Variants in PCDHGA12 observed in about 807,000 individuals in gnomAD.
PCDHGA12 encodes protocadherin gamma subfamily A, 12.
In PCDHGA12, 43 loss-of-function variants were observed where a neutral mutation model predicts 61.1. That is an observed-to-expected ratio of 0.70 (90% confidence interval 0.55 to 0.91). PCDHGA12 has a LOEUF of 0.91. Among genes scored for constraint, PCDHGA12 ranks in the 40% least tolerant of loss-of-function variants. The probability of loss-of-function intolerance (pLI) is 0.00; values close to 1 mark genes in which losing one functional copy is unlikely to be tolerated. For missense variants in PCDHGA12, 1,236 were observed against 1,227.7 expected (o/e 1.01, Z -0.10); for synonymous variants, 520 against 542.9 (o/e 0.96, Z 0.59).
intron 1 of PCDHGA12, among the ~76,000 whole-genome samples, chr5:141,438,036 C>T (rs1299733977): frequency 4.6e-5 from 7 of 152,026 alleles, no homozygotes; most frequent in South Asian, 2.1e-4. Flanking sequence ...CCACCATGCC[C>T]GACCACTTTG....
At chr5:141,498,318 G>T (rs927950671) in intron 2 of PCDHGA12, among the ~76,000 whole-genome samples, 2 of 151,792 alleles carry the variant, frequency 1.3e-5, no homozygotes, top group African/African-American at 4.8e-5. Flanking sequence ...TGCCTACACA[G>T]AAGGAAGAGC....
At chr5:141,506,699 C>T (rs758682427) in intron 3 of PCDHGA12, among the ~76,000 whole-genome samples, 2 of 152,094 alleles carry the variant, frequency 1.3e-5, no homozygotes, top group Non-Finnish European at 2.9e-5. Flanking sequence ...GACCCAAACC[C>T]GTTTTTTACT....
At position 141,494,788 on chromosome 5, in the gene PCDHGA12, C is replaced by T. The variant is rs2099756942; in HGVS notation, c.2425-19C>T. The T allele has an allele frequency of 6.2e-7, 1 of 1,614,116 alleles. No homozygotes were observed. The highest frequency in any genetic ancestry group is 8.5e-7 in the Non-Finnish European group (1 of 1,180,000). On this transcript the variant is annotated intron_variant, in intron 1 of 3. Transcript: ENST00000252085. ...CTTCTCACGGGTACTCAGCCCCTTTCCCTCTGTTTTCTCCACAGCAAGCCC... is the reference window on the plus strand; with the variant it reads ...CTTCTCACGGGTACTCAGCCCCTTTTCCTCTGTTTTCTCCACAGCAAGCCC...
In PCDHGA12 at chr5:141,477,794, C is replaced by A. The variant is rs148942362; in HGVS notation, c.2425-17013C>A. On this transcript the variant is annotated intron_variant, in intron 1 of 3. Coordinates refer to ENST00000252085, the MANE Select transcript of PCDHGA12 (RefSeq NM_003735.3). This position sits in a 1 kb window ranked among gnomAD's most constrained non-coding sequence, Gnocchi z 4.9. ...CAGCGTGAACATATTTGTCACTGAT[C>A]GCAATGACAATGCCCCCCAGGTCCT... The A allele has an allele frequency of 5.6e-6, 9 of 1,614,086 alleles. No individual in the cohort carries two copies. Among genetic ancestry groups the A allele is most frequent in the Non-Finnish European group, 7.6e-6 (9 of 1,180,030 alleles).
rs139608956 is a variant in PCDHGA12, at chr5:141,510,637, A to G, written c.2573-310A>G. Among the ~76,000 whole-genome samples, 4 of 152,242 alleles carry G rather than the reference A, an allele frequency of 2.6e-5. No individual in the cohort carries two copies. The East Asian group carries it at 7.7e-4, about 29-fold the overall frequency. ...ACTAAAACCAGAAGAGGTGGTTACC[A>G]TTATCATCCCCATTTTGCAGATGAG... On this transcript the variant is annotated intron_variant, in intron 3 of 3. Transcript: ENST00000252085.
chr5:141,481,257 A>T (rs2099534664), intron 1 of PCDHGA12, among the ~76,000 whole-genome samples: 1 of 152,172 alleles, frequency 6.6e-6, no homozygotes, highest in African/African-American at 2.4e-5. Context: ...GCTCTAAAAG[A>T]TCACTGTAGG....
Position 141,485,172 on chromosome 5 carries a change from C to A in PCDHGA12, c.2425-9635C>A. ...CAAGTAGAGAATTAGCGGGCGGCAG[C>A]AATGCTCCGCAAGGTGAGAAGCTGG... On this transcript the variant is annotated intron_variant, in intron 1 of 3. Transcript: ENST00000252085. The surrounding 1 kb of genome is among the most constrained non-coding windows in gnomAD (Gnocchi z 5.7). 6.2e-7 allele frequency: 1 copy of A among 1,610,164 alleles called. No individual in the cohort carries two copies. The highest frequency in any genetic ancestry group is 8.5e-7 in the Non-Finnish European group (1 of 1,176,940).
intron 1 of PCDHGA12, chr5:141,478,686 GA>G (rs2099472024): frequency 6.4e-7 from 1 of 1,551,134 alleles, no homozygotes; most frequent in South Asian, 1.2e-5. Context: ...GCCCTTCCTA[GA>G]TCAAAGTTAG....
At chr5:141,450,006 C>CTATTTTTTTTT (rs70988802) in intron 1 of PCDHGA12, among the ~76,000 whole-genome samples, 2 of 132,964 alleles carry the variant, frequency 1.5e-5, no homozygotes, top group African/African-American at 2.8e-5. Flanking sequence ...TGCCATGTCT[C>CTATTTTTTTTT]TTTTTTTTTT....
chr5:141,464,138 G>A (rs62379197), intron 1 of PCDHGA12, among the ~76,000 whole-genome samples: 42,814 of 151,688 alleles, frequency 0.28, 6,814 homozygotes, highest in African/African-American at 0.44. Context: ...GGTGGTGGGC[G>A]CCTGTAGTCC....
Position 141,510,968 on chromosome 5 carries a change from C to A in PCDHGA12, c.2594C>A (p.Thr865Asn). 1 of 1,614,150 alleles carries A rather than the reference C, an allele frequency of 6.2e-7. No individual in the cohort carries two copies. The highest frequency in any genetic ancestry group is 8.5e-7 in the Non-Finnish European group (1 of 1,180,014). The change falls in exon 4 of 4, where the codon ACC becomes AAC. Residue 865 changes from threonine (T) to asparagine (N), a missense_variant. Transcript: ENST00000252085. ...SASEAADGSS[T>N]LGGGAGTMGL... ...GCAGAAGCTGCTGATGGGAGCTCCA[C>A]CCTGGGAGGGGGTGCCGGCACCATG...
At chr5:141,463,417 G>A (rs548514637) in intron 1 of PCDHGA12, among the ~76,000 whole-genome samples, 1 of 146,650 alleles carries the variant, frequency 6.8e-6, no homozygotes, top group South Asian at 2.2e-4. Context: ...ATCCTAGTTT[G>A]CGGATCCTCA....
At chr5:141,473,884 G>T (rs1162382168) in intron 1 of PCDHGA12, among the ~76,000 whole-genome samples, 1 of 152,162 alleles carries the variant, frequency 6.6e-6, no homozygotes, top group African/African-American at 2.4e-5. Context: ...ATACACAAGG[G>T]TTCTGTTGGT....
At chr5:141,467,627 G>A (rs2099147481) in intron 1 of PCDHGA12, among the ~76,000 whole-genome samples, 1 of 152,140 alleles carries the variant, frequency 6.6e-6, no homozygotes, top group South Asian at 2.1e-4. Context: ...ATTTGAGATA[G>A]CATCTTTATC....
In PCDHGA12 at chr5:141,510,353, C is replaced by G. The variant is rs74759939; in HGVS notation, c.2573-594C>G. On this transcript the variant is annotated intron_variant, in intron 3 of 3. Transcript: ENST00000252085. ...CACCCCCACCCCACACACTTACTAA[C>G]GGAACTACCGAATCTCTACTCGTGC... is the stretch of plus-strand genomic sequence containing the variant. Among the ~76,000 whole-genome samples the G allele has an allele frequency of 1.9e-4, 28 of 146,588 alleles. No homozygotes were observed. The East Asian group carries it at 5.6e-3, about 29-fold the overall frequency.
intron 1 of PCDHGA12, among the ~76,000 whole-genome samples, chr5:141,451,724 A>G (rs2098722682): frequency 6.6e-6 from 1 of 152,170 alleles, no homozygotes; most frequent in Non-Finnish European, 1.5e-5. Context: ...TCTACTAAAA[A>G]TACAAAAATT....
chr5:141,489,894 G>T lies in PCDHGA12; in HGVS notation c.2425-4913G>T. 1.2e-6 allele frequency: 2 copies of T among 1,614,204 alleles called. No homozygotes were observed. Among genetic ancestry groups the T allele is most frequent in the Non-Finnish European group, 1.7e-6 (2 of 1,180,028 alleles). The stretch of plus-strand genomic sequence containing the variant: ...TGGTGCTTACTGCTGTGGATGGGGG[G>T]ACCCCAGCCCGCTCAGGGACCACCC... On this transcript the variant is annotated intron_variant, in intron 1 of 3. Transcript: ENST00000252085. The surrounding 1 kb of genome is among the most constrained non-coding windows in gnomAD (Gnocchi z 4.5).
At chr5:141,479,120 A>T (rs1278879959) in intron 1 of PCDHGA12, among the ~76,000 whole-genome samples, 1 of 152,232 alleles carries the variant, frequency 6.6e-6, no homozygotes, top group Non-Finnish European at 1.5e-5. Context: ...TTCTACTGGA[A>T]ATGATGTGCA....
At chr5:141,505,239 G>A (rs2099844708) in intron 2 of PCDHGA12, 154 bp from the exon 3 acceptor site, 1 of 886,092 alleles carries the variant, frequency 1.1e-6, no homozygotes, top group Middle Eastern at 5.9e-4. Context: ...GCTTCTGAAG[G>A]ATTGTAGAAG....
Sources: gnomAD v4.1 joint callset for allele counts (sites outside exome capture counted in the v4.1 genomes callset) on GRCh38, gnomAD v4.1.1 for gene constraint, Gnocchi (gnomAD v3.1) non-coding constraint, MANE v1.5 for transcripts, NCBI Gene and HGNC (gene_info 2026-07-23, HGNC 2026-07-21) for gene names.